STARD6: variants seen among roughly 807,000 people sequenced by gnomAD.
STARD6 encodes StAR related lipid transfer domain containing 6.
Under a neutral mutation model 22.3 loss-of-function variants are expected in STARD6, and 21 were observed. The observed-to-expected ratio is 0.94, with a 90% CI of 0.67 to 1.35. STARD6 has a LOEUF of 1.35. Among genes scored for constraint, STARD6 ranks in the 40% most tolerant of loss-of-function variants. The pLI, the probability that STARD6 is intolerant of heterozygous loss-of-function variation, is 0.00. For missense variants in STARD6, 269 were observed against 266.9 expected, an observed-to-expected ratio of 1.01 and a Z score of -0.05; for synonymous variants, 80 against 88.1, an observed-to-expected ratio of 0.91 and a Z score of 0.52.
intron 5 of STARD6, among the ~76,000 whole-genome samples, chr18:54,335,598 A>G (rs2088903496): frequency 6.6e-6 from 1 of 151,982 alleles, no homozygotes; most frequent in Non-Finnish European, 1.5e-5. Context: ...CCTTGTTTCT[A>G]CTTGTGATAT....
chr18:54,343,298 C>T (rs1404542939), intron 4 of STARD6, among the ~76,000 whole-genome samples: 36 of 123,660 alleles, frequency 2.9e-4, no homozygotes, highest in Non-Finnish European at 3.0e-4. Context: ...GGAGCCTCTC[C>T]GCCCAGCAGC....
chr18:54,334,693 C>T (rs2088893473), intron 5 of STARD6, among the ~76,000 whole-genome samples: 1 of 152,062 alleles, frequency 6.6e-6, no homozygotes, highest in South Asian at 2.1e-4. Context: ...GTGTCTCACT[C>T]AGAGAGGCCT....
At chr18:54,329,822 G>A (rs1345502191) in intron 6 of STARD6, among the ~76,000 whole-genome samples, 1 of 151,482 alleles carries the variant, frequency 6.6e-6, no homozygotes, top group East Asian at 1.9e-4. Context: ...ACTGGCTTTG[G>A]GTGAATACTA....
chr18:54,332,157 T>C (rs1045679803), intron 5 of STARD6, among the ~76,000 whole-genome samples: 3 of 152,144 alleles, frequency 2.0e-5, no homozygotes, highest in African/African-American at 7.2e-5. Flanking sequence ...AGTACAGAAA[T>C]AGAACCCAGG....
intron 2 of STARD6, among the ~76,000 whole-genome samples, chr18:54,355,072 C>T (rs181248501): frequency 2.6e-5 from 4 of 152,264 alleles, no homozygotes; most frequent in East Asian, 1.9e-4. Flanking sequence ...ATTTAAAGTG[C>T]GTAGCAGTGG....
chr18:54,341,663 A>G (rs965176339), intron 4 of STARD6, among the ~76,000 whole-genome samples: 3 of 152,386 alleles, frequency 2.0e-5, no homozygotes, highest in African/African-American at 7.2e-5. Context: ...TTAAATAACC[A>G]GTAAGTCAAA....
chr18:54,324,912 T>C, intron 7 of STARD6, 37 bp from the exon 8 acceptor site: 2 of 1,460,646 alleles, frequency 1.4e-6, no homozygotes, highest in Non-Finnish European at 1.8e-6. Context: ...AGATAAGAAA[T>C]TTTTAGATTT....
chr18:54,336,982 G>T, intron 5 of STARD6, 143 bp downstream of exon 5: 2 of 681,296 alleles, frequency 2.9e-6, no homozygotes, highest in Non-Finnish European at 4.5e-6. Context: ...AAGTAGGGAA[G>T]TTTTAAAGCT....
chr18:54,336,334 G>A (rs2088912113), intron 5 of STARD6, among the ~76,000 whole-genome samples: 1 of 152,058 alleles, frequency 6.6e-6, no homozygotes, highest in Admixed American at 6.6e-5. Context: ...ACATGTCAAG[G>A]GCAGGACCAG....
At chr18:54,337,060 C>T in intron 5 of STARD6, 65 bp downstream of exon 5, 1 of 1,388,390 alleles carries the variant, frequency 7.2e-7, no homozygotes, top group South Asian at 1.5e-5. Flanking sequence ...TTTTAATCAA[C>T]TCACTAAGGT....
At chr18:54,341,697 A>C (rs2088970886) in intron 4 of STARD6, among the ~76,000 whole-genome samples, 1 of 152,228 alleles carries the variant, frequency 6.6e-6, no homozygotes, top group Admixed American at 6.5e-5. Context: ...GTCAAAGAAA[A>C]ATTAGAGAAT....
chr18:54,341,674 G>A (rs1430965730), intron 4 of STARD6, among the ~76,000 whole-genome samples: 1 of 152,070 alleles, frequency 6.6e-6, no homozygotes, highest in African/African-American at 2.4e-5. Flanking sequence ...GTAAGTCAAA[G>A]AAGAAAAATT....
At chr18:54,351,813 A>G (rs1459096408) in intron 4 of STARD6, among the ~76,000 whole-genome samples, 2 of 146,832 alleles carry the variant, frequency 1.4e-5, no homozygotes, top group African/African-American at 2.6e-5. Flanking sequence ...CATGGTATAT[A>G]TTATCTTTTT....
intron 5 of STARD6, among the ~76,000 whole-genome samples, chr18:54,334,432 C>A (rs1294090915): frequency 6.6e-6 from 1 of 152,136 alleles, no homozygotes; most frequent in African/African-American, 2.4e-5. Context: ...GAACGTAGAG[C>A]AAAACTTCTC....
At chr18:54,355,986 T>C (rs1350423649) in intron 2 of STARD6, 1 of 152,208 alleles carries the variant, frequency 6.6e-6, no homozygotes, top group Non-Finnish European at 1.5e-5. Flanking sequence ...ATAATATCTA[T>C]CTCACCGAAT....
chr18:54,332,829 CAA>C, intron 5 of STARD6, among the ~76,000 whole-genome samples: 1 of 151,890 alleles, frequency 6.6e-6, no homozygotes, highest in African/African-American at 2.4e-5. Context: ...CACTTGAGCC[CAA>C]GAGTTTGAGG....
chr18:54,329,314 C>A, intron 7 of STARD6, 33 bp downstream of exon 7: 1 of 1,490,996 alleles, frequency 6.7e-7, no homozygotes, highest in Non-Finnish European at 9.0e-7. Flanking sequence ...CTAAAAAAAC[C>A]TGTTAAAATA....
chr18:54,332,501 A>G (rs949949742), intron 5 of STARD6, among the ~76,000 whole-genome samples: 8 of 152,192 alleles, frequency 5.3e-5, no homozygotes, highest in Non-Finnish European at 2.9e-5. Context: ...ACATTCTTCT[A>G]CAGGAACTGG....
At chr18:54,329,263 T>G in intron 7 of STARD6, 84 bp downstream of exon 7, 1 of 1,102,610 alleles carries the variant, frequency 9.1e-7, no homozygotes, top group Non-Finnish European at 1.3e-6. Flanking sequence ...TACATATTTC[T>G]ACTGATGAGC....
Sources: gnomAD v4.1 joint callset for allele counts (sites outside exome capture counted in the v4.1 genomes callset) on GRCh38, gnomAD v4.1.1 for gene constraint, MANE v1.5 for transcripts, NCBI Gene and HGNC (gene_info 2026-07-23, HGNC 2026-07-21) for gene names.